The following EPB41L3 variants were observed in gnomAD, a reference collection of about 807,000 sequenced individuals.
EPB41L3 encodes the protein band 4.1-like protein 3.
A neutral mutation model predicts 127.1 loss-of-function variants in EPB41L3; 57 were observed. The ratio of observed to expected loss-of-function variants is 0.45; its 90% CI spans 0.36 to 0.56. The LOEUF (loss-of-function observed/expected upper bound fraction) is 0.56. Among genes scored for constraint, EPB41L3 ranks in the 20% least tolerant of loss-of-function variants. The pLI is 0.00. For missense variants in EPB41L3, 1,273 were observed against 1,372.2 expected (o/e 0.93, Z 1.14); for synonymous variants, 572 against 549.5 (o/e 1.04, Z -0.57).
intron 3 of EPB41L3, among the ~76,000 whole-genome samples, chr18:5,446,187 A>G (rs764347910): frequency 3.9e-5 from 6 of 152,208 alleles, no homozygotes; most frequent in Non-Finnish European, 7.3e-5. Context: ...CAGTTTATAC[A>G]GAGTTTTTCT....
intron 1 of EPB41L3, among the ~76,000 whole-genome samples, chr18:5,524,460 G>T (rs1435513734): frequency 6.6e-6 from 1 of 152,196 alleles, no homozygotes; most frequent in Non-Finnish European, 1.5e-5. Context: ...CTCCCAAAGT[G>T]CTGGGATTAC....
At chr18:5,427,505 AAAACAAAC>A (rs151031708) in intron 9 of EPB41L3, among the ~76,000 whole-genome samples, 18 of 152,106 alleles carry the variant, frequency 1.2e-4, no homozygotes, top group South Asian at 4.1e-4. Flanking sequence ...TCTCTGACTT[AAAACAAAC>A]AAACAAACAA....
chr18:5,426,698 T>C (rs1309613130), intron 9 of EPB41L3, among the ~76,000 whole-genome samples: 3 of 152,220 alleles, frequency 2.0e-5, no homozygotes, highest in African/African-American at 7.2e-5. Context: ...ATTTGCATCA[T>C]GCTGTTACAA....
intron 2 of EPB41L3, among the ~76,000 whole-genome samples, chr18:5,486,273 G>T (rs2089733638): frequency 6.6e-6 from 1 of 152,014 alleles, no homozygotes; most frequent in Non-Finnish European, 1.5e-5. Context: ...GGGAAAACTG[G>T]ATAACTGTAT....
intron 1 of EPB41L3, among the ~76,000 whole-genome samples, chr18:5,534,921 T>C (rs2093523474): frequency 1.3e-5 from 2 of 152,124 alleles, no homozygotes; most frequent in African/African-American, 4.8e-5. Context: ...GATGTTTCCA[T>C]CTGTATCTTC....
chr18:5,468,961 C>CA (rs996244866), intron 3 of EPB41L3, among the ~76,000 whole-genome samples: 2 of 151,768 alleles, frequency 1.3e-5, no homozygotes, highest in African/African-American at 4.8e-5. Context: ...AAACAAAAAA[C>CA]AAAAAACAAA....
Position 5,474,087 on chromosome 18 carries a change from C to T in EPB41L3, c.381+4154G>A, listed in dbSNP as rs1353634710. Among the ~76,000 whole-genome samples, 19 of 151,942 alleles carry T rather than the reference C, an allele frequency of 1.3e-4. No individual in the cohort carries two copies. In the East Asian group the frequency reaches 2.3e-3, roughly 19 times the overall value. ...TCTACTAAAAATACAAAAAATTAGC[C>T]GGGCGTGGTGGTGGGCGCCTGTAGT... On this transcript the variant is annotated intron_variant, in intron 3 of 22. Transcript: ENST00000341928.
chr18:5,398,648 T>C, intron 16 of EPB41L3: 1 of 400,946 alleles, frequency 2.5e-6, no homozygotes, highest in Non-Finnish European at 4.4e-6. Context: ...TGACACTGGT[T>C]ACCACTACTC....
At chr18:5,621,312 C>G (rs770907856) in intron 1 of EPB41L3, among the ~76,000 whole-genome samples, 1 of 152,116 alleles carries the variant, frequency 6.6e-6, no homozygotes, top group Non-Finnish European at 1.5e-5. Flanking sequence ...AGAAATCTGA[C>G]TATGGTTAGA....
rs184628855 is a variant in EPB41L3 at position 5,424,640 on chromosome 18, G to T, written c.1066-281C>A. On this transcript the variant is annotated intron_variant, in intron 9 of 22. Transcript: ENST00000341928. ...AACTGAAAACCAAACACGAAAAGGG[G>T]TTTTTTTGATTTCTTCCAGAAATCA... is the stretch of plus-strand genomic sequence containing the variant. Among the ~76,000 whole-genome samples, 922 of 152,134 alleles carry T rather than the reference G, an allele frequency of 6.1e-3. 15 individuals carry two copies. Among genetic ancestry groups the T allele is most frequent in the African/African-American group, 0.02 (820 of 41,516 alleles).
intron 3 of EPB41L3, among the ~76,000 whole-genome samples, chr18:5,580,017 G>A (rs1356847851): frequency 1.3e-5 from 2 of 152,146 alleles, no homozygotes; most frequent in Non-Finnish European, 2.9e-5. Context: ...TAAGGGTAAG[G>A]TGATTGAGAG....
chr18:5,431,438 A>G (rs2078995531), intron 8 of EPB41L3: 1 of 152,238 alleles, frequency 6.6e-6, no homozygotes, highest in Admixed American at 6.5e-5. Flanking sequence ...CTTAATATTC[A>G]GAAAAATTCC....
At chr18:5,533,601 G>A (rs1049382351) in intron 1 of EPB41L3, among the ~76,000 whole-genome samples, 1 of 152,082 alleles carries the variant, frequency 6.6e-6, no homozygotes, top group African/African-American at 2.4e-5. Flanking sequence ...ATTTTGACCA[G>A]CAGGATCACA....
In EPB41L3 at chr18:5,587,764, AGTTT is replaced by A. The variant is rs200085664; in HGVS notation, c.-306+24572_-306+24575del. Among the ~76,000 whole-genome samples, 1,340 of 152,316 alleles carry A rather than the reference AGTTT, an allele frequency of 8.8e-3. 12 individuals carry two copies. Among genetic ancestry groups the A allele is most frequent in the Non-Finnish European group, 0.014 (938 of 68,018 alleles). On this transcript the variant is annotated intron_variant, in intron 3 of 21. Coordinates refer to the EPB41L3 transcript ENST00000545076. The stretch of plus-strand genomic sequence containing the variant: ...AATTTTAATTCCAGAGAGCAGCTAG[AGTTT>A]GTTTGTTTGATTCATCTATTATATG...
chr18:5,585,790 G>C (rs2094436654), intron 3 of EPB41L3, among the ~76,000 whole-genome samples: 1 of 152,168 alleles, frequency 6.6e-6, no homozygotes, highest in African/African-American at 2.4e-5. Context: ...TGGCCAATGG[G>C]AGACACTATG....
At chr18:5,626,143 C>T (rs2094921415) in intron 1 of EPB41L3, among the ~76,000 whole-genome samples, 1 of 152,134 alleles carries the variant, frequency 6.6e-6, no homozygotes, top group African/African-American at 2.4e-5. Flanking sequence ...TGGCATTCTT[C>T]CCACAGTCCC....
Position 5,398,241 on chromosome 18 carries a change from G to A in EPB41L3, c.2350-98C>T, listed in dbSNP as rs1289430502. On this transcript the variant is annotated intron_variant, in intron 16 of 22. Transcript: ENST00000341928. ...TTGTTAGACAAAATCGTAGGCAGAG[G>A]AGACAGGGAGGAGGAAGAACGAAGG... 9 of 1,387,676 alleles carry A rather than the reference G, an allele frequency of 6.5e-6. No individual in the cohort carries two copies. In the East Asian group the frequency reaches 1.6e-4, roughly 25 times the overall value. 86.0% of individuals were successfully genotyped at this position (1,387,676 alleles called of 1,614,324 possible).
intron 2 of EPB41L3, among the ~76,000 whole-genome samples, chr18:5,484,816 C>T (rs900354288): frequency 6.6e-6 from 1 of 151,494 alleles, no homozygotes; most frequent in African/African-American, 2.4e-5. Flanking sequence ...ACAAAATAGT[C>T]ATGAGTAATG....
chr18:5,617,103 T>C (rs754706784), intron 1 of EPB41L3, among the ~76,000 whole-genome samples: 3 of 152,200 alleles, frequency 2.0e-5, no homozygotes, highest in Admixed American at 2.0e-4. Flanking sequence ...AGATTTGGTA[T>C]TTTCATAAAA....
Sources: allele counts gnomAD v4.1 joint callset (sites outside exome capture counted in the v4.1 genomes callset), GRCh38; gene constraint gnomAD v4.1.1; transcripts MANE v1.5; gene names NCBI Gene and HGNC (gene_info 2026-07-23, HGNC 2026-07-21).